CRYM: variants seen among roughly 807,000 people sequenced by gnomAD.
CRYM encodes crystallin mu, also known as ketimine reductase mu-crystallin.
In CRYM, 18 loss-of-function variants were observed where a neutral mutation model predicts 32.9. The observed-to-expected ratio is 0.55, with a 90% CI of 0.38 to 0.81. The LOEUF (loss-of-function observed/expected upper bound fraction) is 0.81. CRYM is among the 30% of genes least tolerant of loss of function. The probability of loss-of-function intolerance (pLI) is 0.00; values close to 1 mark genes in which losing one functional copy is unlikely to be tolerated. For missense variants in CRYM, 337 were observed against 393.5 expected (o/e 0.86, Z 1.21); for synonymous variants, 153 against 152.4 (o/e 1.00, Z -0.03).
chr16:21,281,109 ACTCTCTCTCTCTCT>A (rs34104117), upstream of CRYM, among the ~76,000 whole-genome samples: 2 of 127,288 alleles, frequency 1.6e-5, no homozygotes, highest in Non-Finnish European at 3.4e-5. Flanking sequence ...TCTCTCTCTC[ACTCTCTCTCTCTCT>A]CTCTCTCTCT....
At chr16:21,265,057 T>C (rs182229657) in intron 5 of CRYM, among the ~76,000 whole-genome samples, 2 of 152,078 alleles carry the variant, frequency 1.3e-5, no homozygotes, top group East Asian at 3.9e-4. Context: ...TGTTTTAAGC[T>C]GAAAAAAAAA....
intron 1 of CRYM, among the ~76,000 whole-genome samples, chr16:21,290,816 T>G (rs189894486): frequency 8.5e-5 from 13 of 152,364 alleles, no homozygotes; most frequent in African/African-American, 2.9e-4. Context: ...TTCCTTATCC[T>G]CTTTCCACTG....
chr16:21,301,007 G>A (rs1960907704), intron 1 of CRYM: 1 of 264 alleles, frequency 3.8e-3, no homozygotes, highest in African/African-American at 0.038. Context: ...GTCCCGGACA[G>A]AAGCCGCAGG....
At position 21,258,809 on chromosome 16, in the gene CRYM, A is replaced by G. The variant is rs758176818; in HGVS notation, c.917T>C (p.Ile306Thr). ...TTTACCAGATGACCAGGAATCATAG[A>G]TGAGTTTGGCTGCAACTGTGTCTTC... Reference protein sequence around the residue: ...AVEDTVAAKLIYDSWSSGK With the variant: ...AVEDTVAAKLTYDSWSSGK Residue 306 changes from isoleucine (I) to threonine (T), a missense_variant, in exon 8 of 8, where the codon ATC (isoleucine) becomes ACC (threonine). Transcript: ENST00000572914. The G allele has an allele frequency of 6.2e-6, 10 of 1,614,024 alleles. No individual in the cohort carries two copies. Among genetic ancestry groups the G allele is most frequent in the Middle Eastern group, 1.6e-4 (1 of 6,084 alleles).
chr16:21,302,675 C>T (rs148697130), intron 1 of CRYM, among the ~76,000 whole-genome samples: 2 of 152,246 alleles, frequency 1.3e-5, no homozygotes, highest in East Asian at 1.9e-4. Context: ...GCTGTGTTTG[C>T]TAATTGGCTC....
upstream of CRYM, among the ~76,000 whole-genome samples, chr16:21,283,253 C>T (rs2093401301): frequency 6.6e-6 from 1 of 152,078 alleles, no homozygotes; most frequent in Non-Finnish European, 1.5e-5. Context: ...ACAAAATGTA[C>T]GGGATTCACT....
In CRYM at chr16:21,267,729, T is replaced by G; in HGVS notation, c.498A>C (p.Ile166=). 1 of 1,614,232 alleles carries G rather than the reference T, an allele frequency of 6.2e-7. No homozygotes were observed. The highest frequency in any genetic ancestry group is 8.5e-7 in the Non-Finnish European group (1 of 1,180,034). Residue 166 remains isoleucine (I), a synonymous_variant, in exon 5 of 8, where the codon ATA becomes ATC. Coordinates refer to ENST00000572914, the MANE Select transcript of CRYM (RefSeq NM_001376256.1). ...CTGCATTTTCTTTGGTGCGGTTCCA[T>G]ATCCTCACCTTCATTGGGAGTAACA... The part of the protein sequence containing the change: ...TEQFSFKEVR[I]WNRTKENAEK...
intron 1 of CRYM, among the ~76,000 whole-genome samples, chr16:21,290,430 G>A (rs35088287): frequency 1.3e-5 from 2 of 151,980 alleles, no homozygotes; most frequent in Admixed American, 6.6e-5. Flanking sequence ...GAAGAAACTC[G>A]GGACACATCT....
intron 5 of CRYM, 35 bp from the exon 6 acceptor site, chr16:21,262,193 T>G (rs2093355861): frequency 1.2e-6 from 2 of 1,613,482 alleles, no homozygotes; most frequent in Non-Finnish European, 1.7e-6. Flanking sequence ...AAGCCCAGGA[T>G]TAGTGCCAAA....
At chr16:21,260,315 T>A (rs1040291360) in intron 7 of CRYM, among the ~76,000 whole-genome samples, 2 of 152,042 alleles carry the variant, frequency 1.3e-5, no homozygotes, top group African/African-American at 4.8e-5. Flanking sequence ...CTTTATTTAT[T>A]TATTTTTTGA....
intron 1 of CRYM, among the ~76,000 whole-genome samples, chr16:21,285,347 G>A (rs2093405647): frequency 6.6e-6 from 1 of 152,190 alleles, no homozygotes; most frequent in Non-Finnish European, 1.5e-5. Flanking sequence ...GCCAAACCAA[G>A]TATTTGCTTG....
intron 4 of CRYM, among the ~76,000 whole-genome samples, chr16:21,269,458 T>G (rs1025603249): frequency 6.6e-6 from 1 of 152,112 alleles, no homozygotes; most frequent in Non-Finnish European, 1.5e-5. Context: ...AACTCTGGAT[T>G]CTCCTAAGAA....
chr16:21,265,394 C>T (rs1019494461), intron 5 of CRYM, among the ~76,000 whole-genome samples: 1 of 152,228 alleles, frequency 6.6e-6, no homozygotes, highest in African/African-American at 2.4e-5. Flanking sequence ...GCTCAAAAAA[C>T]ACATCTTAGA....
intron 6 of CRYM, 141 bp from the exon 7 acceptor site, chr16:21,261,479 G>A (rs1200915922): frequency 1.5e-6 from 1 of 688,362 alleles, no homozygotes; most frequent in East Asian, 2.7e-5. Context: ...GAGATCCTTT[G>A]TACACTGAAT....
At chr16:21,269,756 C>T in intron 4 of CRYM, 34 bp downstream of exon 4, 3 of 713,824 alleles carry the variant, frequency 4.2e-6, no homozygotes, top group Non-Finnish European at 7.5e-6. Flanking sequence ...CCACCCCCTT[C>T]CCTCTTCTCT....
intron 1 of CRYM, among the ~76,000 whole-genome samples, chr16:21,302,369 A>G (rs1597636981): frequency 6.6e-6 from 1 of 152,248 alleles, no homozygotes; most frequent in East Asian, 1.9e-4. Flanking sequence ...TAAGTGTTCC[A>G]TAAATGGCAG....
intron 5 of CRYM, among the ~76,000 whole-genome samples, chr16:21,264,792 A>G (rs1214776981): frequency 6.6e-6 from 1 of 152,068 alleles, no homozygotes; most frequent in Non-Finnish European, 1.5e-5. Flanking sequence ...GAGGATGGAG[A>G]GTCCATATGG....
rs1388829536 is a variant in CRYM at position 21,258,669 on chromosome 16, A to G, written c.*112T>C. On this transcript the variant is annotated 3_prime_UTR_variant, in exon 8 of 8. Transcript: ENST00000572914. ...CTCAGCATTTAAGGTAAAACATGAT[A>G]AGCACAAAAGGAGAGTTCACTGGGG... 3.2e-6 allele frequency: 3 copies of G among 926,186 alleles called. No individual in the cohort carries two copies. Among genetic ancestry groups the G allele is most frequent in the Non-Finnish European group, 5.3e-6 (3 of 563,912 alleles). The allele number at this position is 926,186 out of a possible 1,614,324, so 57.4% of individuals were successfully genotyped here.
rs2152863318 is a variant in CRYM, at chr16:21,277,794, T to G, written c.171-210A>C. On this transcript the variant is annotated intron_variant, in intron 1 of 7. Coordinates refer to ENST00000572914, the MANE Select transcript of CRYM (RefSeq NM_001376256.1). The surrounding 1 kb of genome is among the most constrained non-coding windows in gnomAD (Gnocchi z 4.2). ...CAGAAAACCTTTCCAGCTCTGCCAC[T>G]TAGTAGCTGTGTAAGCTTAGGTAAG... Among the ~76,000 whole-genome samples, 1 of 152,288 alleles carries G rather than the reference T, an allele frequency of 6.6e-6. No homozygotes were observed. The highest frequency in any genetic ancestry group is 2.1e-4 in the South Asian group (1 of 4,822).
Sources: gnomAD v4.1 joint callset for allele counts (sites outside exome capture counted in the v4.1 genomes callset) on GRCh38, gnomAD v4.1.1 for gene constraint, Gnocchi (gnomAD v3.1) non-coding constraint, MANE v1.5 for transcripts, NCBI Gene and HGNC (gene_info 2026-07-23, HGNC 2026-07-21) for gene names.